Variants in MYL4 observed in about 807,000 individuals in gnomAD.
MYL4 encodes the protein myosin light chain 4.
Under a neutral mutation model 21.6 loss-of-function variants are expected in MYL4, and 16 were observed. The observed-to-expected ratio is 0.74, with a 90% CI of 0.50 to 1.12. MYL4 has a LOEUF of 1.12. MYL4 is among the 50% of genes most tolerant of loss of function. The pLI, the probability that MYL4 is intolerant of heterozygous loss-of-function variation, is 0.00. For missense variants in MYL4, 249 were observed against 252.9 expected, an observed-to-expected ratio of 0.98 and a Z score of 0.11; for synonymous variants, 82 against 95.7, an observed-to-expected ratio of 0.86 and a Z score of 0.83.
the MYL4 span, among the ~76,000 whole-genome samples, chr17:47,192,697 A>C: frequency 2.2e-4 from 33 of 152,018 alleles, no homozygotes; most frequent in South Asian, 6.6e-3. Flanking sequence ...CCAGGCTAAT[A>C]CATCTGTTGT....
upstream of MYL4, among the ~76,000 whole-genome samples, chr17:47,198,928 G>A (rs1029688942): frequency 6.6e-6 from 1 of 151,640 alleles, no homozygotes; most frequent in East Asian, 1.9e-4. Context: ...CGAAGTTGCA[G>A]TGAGTTAAAA....
At chr17:47,196,886 G>T (rs985880930), upstream of MYL4, among the ~76,000 whole-genome samples, 10 of 151,854 alleles carry the variant, frequency 6.6e-5, no homozygotes, top group Non-Finnish European at 1.3e-4. Flanking sequence ...AATATTTTTT[G>T]TTGTTGTTGT....
upstream of MYL4, among the ~76,000 whole-genome samples, chr17:47,195,934 C>T (rs1273385013): frequency 6.6e-6 from 1 of 152,182 alleles, no homozygotes; most frequent in East Asian, 1.9e-4. Flanking sequence ...CCTGTGTATT[C>T]TCAACACTTA....
At chr17:47,195,934 C>G (rs1273385013), upstream of MYL4, among the ~76,000 whole-genome samples, 1 of 152,182 alleles carries the variant, frequency 6.6e-6, no homozygotes, top group East Asian at 1.9e-4. Flanking sequence ...CCTGTGTATT[C>G]TCAACACTTA....
At chr17:47,214,533 C>G (rs1329402047) in intron 2 of MYL4, among the ~76,000 whole-genome samples, 1 of 152,100 alleles carries the variant, frequency 6.6e-6, no homozygotes, top group Non-Finnish European at 1.5e-5. Context: ...ATCACCTAAT[C>G]CAACCCCCTC....
chr17:47,221,947 T>C, intron 4 of MYL4, 92 bp downstream of exon 4: 1 of 1,391,320 alleles, frequency 7.2e-7, no homozygotes, highest in South Asian at 1.4e-5. Flanking sequence ...TGGGGGGTGG[T>C]ATACAAGGGT....
At chr17:47,208,596 A>G (rs2064747433), upstream of MYL4, among the ~76,000 whole-genome samples, 2 of 150,506 alleles carry the variant, frequency 1.3e-5, no homozygotes. Context: ...CACAGAGCAC[A>G]GAATGAGTTA....
chr17:47,223,964 TC>T (rs1440676608), downstream of MYL4, among the ~76,000 whole-genome samples: 1 of 152,046 alleles, frequency 6.6e-6, no homozygotes, highest in Non-Finnish European at 1.5e-5. Context: ...TAATCACACC[TC>T]CAGATGGCAG....
At chr17:47,219,451 C>A (rs1278055697) in intron 2 of MYL4, among the ~76,000 whole-genome samples, 1 of 152,116 alleles carries the variant, frequency 6.6e-6, no homozygotes, top group Non-Finnish European at 1.5e-5. Flanking sequence ...AGTCAGGAAC[C>A]TCACCTACAC....
At chr17:47,201,519 C>T (rs376837084) in intron 1 of MYL4, among the ~76,000 whole-genome samples, 5 of 151,784 alleles carry the variant, frequency 3.3e-5, no homozygotes, top group East Asian at 1.9e-4. Flanking sequence ...TGCAATGGCA[C>T]GATCTGCTCA....
intron 1 of MYL4, 141 bp downstream of exon 1, chr17:47,209,698 G>T: frequency 7.9e-7 from 1 of 1,264,434 alleles, no homozygotes. Flanking sequence ...GTCCCATGGG[G>T]CAGTGGAGTG....
intron 1 of MYL4, among the ~76,000 whole-genome samples, chr17:47,201,058 G>A (rs1216604944): frequency 6.6e-6 from 1 of 152,192 alleles, no homozygotes; most frequent in Non-Finnish European, 1.5e-5. Flanking sequence ...TGTAATCCCA[G>A]CTACTGAGGA....
At chr17:47,203,840 G>T (rs932008572) in intron 1 of MYL4, among the ~76,000 whole-genome samples, 2 of 152,166 alleles carry the variant, frequency 1.3e-5, no homozygotes, top group Non-Finnish European at 2.9e-5. Context: ...AGAATGCTTG[G>T]CTCCCAAACT....
In MYL4 at chr17:47,209,608, C is replaced by G. The variant is rs976055757; in HGVS notation, c.135+51C>G. 4.3e-6 allele frequency: 7 copies of G among 1,613,958 alleles called. No individual in the cohort carries two copies. In the Admixed American group the frequency reaches 6.7e-5, roughly 15 times the overall value. On this transcript the variant is annotated intron_variant, in intron 1 of 6. Coordinates refer to ENST00000393450, the MANE Select transcript of MYL4 (RefSeq NM_002476.2). The stretch of plus-strand genomic sequence containing the variant: ...AGAGGTGGGGATGACATTGAGAGTC[C>G]TTTTGCTCTGGAGCTTAGCGATCTA...
intron 1 of MYL4, among the ~76,000 whole-genome samples, chr17:47,212,368 C>T (rs1393974092): frequency 6.6e-6 from 1 of 152,188 alleles, no homozygotes; most frequent in East Asian, 1.9e-4. Flanking sequence ...TTTTCAGTGC[C>T]TACTATGTAC....
upstream of MYL4, among the ~76,000 whole-genome samples, chr17:47,204,177 G>A (rs573619267): frequency 2.6e-5 from 4 of 152,216 alleles, no homozygotes; most frequent in Non-Finnish European, 5.9e-5. Flanking sequence ...TCATAAGACA[G>A]TGGTGGAGGA....
chr17:47,207,118 C>A (rs552541414), upstream of MYL4, among the ~76,000 whole-genome samples: 8 of 152,264 alleles, frequency 5.3e-5, no homozygotes, highest in African/African-American at 1.9e-4. Context: ...GTGCACAGAG[C>A]AAAGGAGCCA....
At chr17:47,204,897 C>G (rs930624380), upstream of MYL4, among the ~76,000 whole-genome samples, 2 of 152,286 alleles carry the variant, frequency 1.3e-5, no homozygotes, top group East Asian at 3.9e-4. Flanking sequence ...CCTGTGATGT[C>G]CAGGCTTATG....
intron 4 of MYL4, among the ~76,000 whole-genome samples, 195 bp from the exon 5 acceptor site, chr17:47,222,185 G>A (rs1232350384): frequency 6.6e-6 from 1 of 152,104 alleles, no homozygotes; most frequent in African/African-American, 2.4e-5. Flanking sequence ...AGGCAGAGGG[G>A]GAGGCTTCGG....
Sources: gnomAD v4.1 joint callset for allele counts (sites outside exome capture counted in the v4.1 genomes callset) on GRCh38, gnomAD v4.1.1 for gene constraint, MANE v1.5 for transcripts, NCBI Gene and HGNC (gene_info 2026-07-23, HGNC 2026-07-21) for gene names.